The following NPRL3 variants were observed in gnomAD, a reference collection of about 807,000 sequenced individuals.
NPRL3 encodes the protein GATOR1 complex protein NPRL3.
A neutral mutation model predicts 57.2 loss-of-function variants in NPRL3; 23 were observed. The ratio of observed to expected loss-of-function variants is 0.40; its 90% confidence interval spans 0.29 to 0.57. The LOEUF (loss-of-function observed/expected upper bound fraction) is 0.57, where lower values mean the gene tolerates loss of function less well. Ranked by LOEUF, NPRL3 falls within the 20% of genes least tolerant of loss-of-function variation. NPRL3 has a pLI of 0.42. For missense variants in NPRL3, 691 were observed against 767.1 expected, an observed-to-expected ratio of 0.90 and a Z score of 1.17; for synonymous variants, 333 against 321.1, an observed-to-expected ratio of 1.04 and a Z score of -0.39.
intron 7 of NPRL3, among the ~76,000 whole-genome samples, chr16:106,402 G>T (rs1899528710): frequency 6.6e-6 from 1 of 152,086 alleles, no homozygotes; most frequent in Admixed American, 6.6e-5. Flanking sequence ...GGAGGCTAAG[G>T]TGGGTAGATT....
At chr16:96,941 T>A (rs1399060264) in intron 9 of NPRL3, among the ~76,000 whole-genome samples, 1 of 129,198 alleles carries the variant, frequency 7.7e-6, no homozygotes, top group Non-Finnish European at 1.6e-5. Context: ...CAGGCCTTGT[T>A]GGACAAGTTC....
chr16:110,473 A>G, intron 7 of NPRL3, 52 bp downstream of exon 7: 1 of 1,471,588 alleles, frequency 6.8e-7, no homozygotes, highest in South Asian at 1.2e-5. Flanking sequence ...CCTCAGGCCC[A>G]GGCAGGCTGG....
intron 7 of NPRL3, among the ~76,000 whole-genome samples, chr16:105,590 C>T (rs898837017): frequency 2.0e-5 from 3 of 152,172 alleles, no homozygotes; most frequent in Admixed American, 1.3e-4. Context: ...CCAAGTACCA[C>T]CTACCCAGCC....
At chr16:116,802 C>T (rs775741113) in intron 5 of NPRL3, among the ~76,000 whole-genome samples, 65 of 138,126 alleles carry the variant, frequency 4.7e-4, no homozygotes, top group Middle Eastern at 3.6e-3. Context: ...CCCCCCCCAC[C>T]GATCTCTACT....
intron 4 of NPRL3, 97 bp from the exon 5 acceptor site, chr16:117,472 A>T: frequency 2.5e-6 from 2 of 802,408 alleles, no homozygotes; most frequent in Non-Finnish European, 4.1e-6. Context: ...TCCCCAGAAT[A>T]CAGCACCAAG....
intron 9 of NPRL3, among the ~76,000 whole-genome samples, chr16:97,733 T>C (rs911687888): frequency 2.8e-5 from 4 of 142,390 alleles, no homozygotes; most frequent in Non-Finnish European, 5.9e-5. Flanking sequence ...GTTCTGCACA[T>C]GGGAGGGCCC....
Position 100,399 on chromosome 16 carries a change from G to A in NPRL3, c.740C>T (p.Ala247Val). ...GATGGCTTTCAGGCTCCGTTCGATG[G>A]CCTCTGGGGGGATCAGACTGGAGGC... ...YAASSLIPPE[A>V]IERSLKAIRP... Residue 247 changes from alanine to valine, a missense_variant, in exon 8 of 14, where the codon GCC becomes GTC. Coordinates refer to ENST00000611875, the MANE Select transcript of NPRL3 (RefSeq NM_001077350.3). 1.3e-6 allele frequency: 2 copies of A among 1,568,748 alleles called. No homozygotes were observed. Among genetic ancestry groups the A allele is most frequent in the Non-Finnish European group, 1.7e-6 (2 of 1,158,964 alleles).
intron 7 of NPRL3, among the ~76,000 whole-genome samples, chr16:106,000 C>A (rs1008777038): frequency 1.3e-5 from 2 of 152,204 alleles, no homozygotes; most frequent in Non-Finnish European, 2.9e-5. Flanking sequence ...CACACCATAA[C>A]CCTAGCTTTA....
At chr16:95,282 C>G (rs1898938519) in intron 9 of NPRL3, among the ~76,000 whole-genome samples, 1 of 149,082 alleles carries the variant, frequency 6.7e-6, no homozygotes, top group Admixed American at 6.7e-5. Flanking sequence ...GAATATACAG[C>G]ACGATCCTAA....
At chr16:87,283 T>C (rs184150922) in intron 13 of NPRL3, among the ~76,000 whole-genome samples, 8 of 152,044 alleles carry the variant, frequency 5.3e-5, no homozygotes, top group Admixed American at 3.9e-4. Context: ...CCAGGCTAGA[T>C]TGCAGTGGCT....
intron 2 of NPRL3, among the ~76,000 whole-genome samples, chr16:135,658 G>A (rs1229789517): frequency 1.3e-5 from 2 of 150,666 alleles, no homozygotes; most frequent in Non-Finnish European, 3.0e-5. Flanking sequence ...GGAAAATAAG[G>A]GAGTTTTTTA....
rs1898474522 is a variant in NPRL3, at chr16:86,480, G to A, written c.*225C>T. On this transcript the variant is annotated 3_prime_UTR_variant, in exon 14 of 14. Coordinates refer to ENST00000611875, the MANE Select transcript of NPRL3 (RefSeq NM_001077350.3). ...GATGCCTACGCGTGCGGCAAGGACT[G>A]GAGGGAAGCGTAGGAACACAGAGGG... is the stretch of plus-strand genomic sequence containing the variant. 5.4e-6 allele frequency: 3 copies of A among 553,392 alleles called. No individual in the cohort carries two copies. In the South Asian group the frequency reaches 6.9e-5, roughly 13 times the overall value. 34.3% of individuals were successfully genotyped at this position (553,392 alleles called of 1,614,324 possible).
At chr16:128,346 C>T (rs367816028) in intron 3 of NPRL3, among the ~76,000 whole-genome samples, 1 of 152,202 alleles carries the variant, frequency 6.6e-6, no homozygotes, top group Non-Finnish European at 1.5e-5. Flanking sequence ...GTGAGCAGCA[C>T]GGCTGTGTCC....
At chr16:122,613 G>A (rs1164330360) in intron 3 of NPRL3, among the ~76,000 whole-genome samples, 1 of 152,194 alleles carries the variant, frequency 6.6e-6, no homozygotes. Flanking sequence ...TAAAACATCT[G>A]TTACAAAAAC....
intron 3 of NPRL3, 111 bp downstream of exon 3, chr16:130,406 AAAAAC>A: frequency 1.1e-6 from 1 of 936,126 alleles, no homozygotes; most frequent in Non-Finnish European, 1.6e-6. Flanking sequence ...CTAAACGGAA[AAAAAC>A]AAACACCAGA....
intron 4 of NPRL3, among the ~76,000 whole-genome samples, chr16:118,889 GCCCAGGGGGAGCCACACCTT>G (rs1900159035): frequency 6.6e-6 from 1 of 150,848 alleles, no homozygotes; most frequent in Non-Finnish European, 1.5e-5. Context: ...AGCCACACCT[GCCCAGGGGGAGCCACACCTT>G]CCCAGAGGGT....
rs1040446703 is a variant in NPRL3, at chr16:100,428, A to G, written c.711T>C (p.Tyr237=). The G allele has an allele frequency of 1.9e-6, 3 of 1,606,318 alleles. No homozygotes were observed. Among genetic ancestry groups the G allele is most frequent in the South Asian group, 2.2e-5 (2 of 89,730 alleles). The change falls in exon 8 of 14, where the codon TAT becomes TAC. Residue 237 remains tyrosine (Y), a synonymous_variant. Transcript: ENST00000611875. ...CTGGGGGGATCAGACTGGAGGCCGC[A>G]TAGTGGATCTTGTGGGGCAGGCAGA... ...VSFCLPHKIH[Y]AASSLIPPEA... is the part of the protein sequence containing the mutation.
intron 7 of NPRL3, among the ~76,000 whole-genome samples, chr16:109,564 TGTATAA>T (rs1274780366): frequency 6.6e-6 from 1 of 152,200 alleles, no homozygotes; most frequent in Non-Finnish European, 1.5e-5. Flanking sequence ...CGGACTCTCA[TGTATAA>T]CTTCGGGCTC....
intron 7 of NPRL3, among the ~76,000 whole-genome samples, chr16:108,645 ATTTT>A (rs1304822075): frequency 1.5e-5 from 2 of 136,782 alleles, no homozygotes; most frequent in African/African-American, 6.0e-5. Context: ...AATTTTATTT[ATTTT>A]TTATTTTACT....
Sources: allele counts gnomAD v4.1 joint callset (sites outside exome capture counted in the v4.1 genomes callset), GRCh38; gene constraint gnomAD v4.1.1; transcripts MANE v1.5; gene names NCBI Gene and HGNC (gene_info 2026-07-23, HGNC 2026-07-21).